The following RFC5 variants were observed in gnomAD, a reference collection of about 807,000 sequenced individuals.
The protein encoded by RFC5 is replication factor C subunit 5, also known as A1 36 kDa subunit.
RFC5 carries 26 observed loss-of-function variants against 44.3 expected under a neutral mutation model. That is an observed-to-expected ratio of 0.59 (90% CI 0.43 to 0.81). The LOEUF is 0.81. RFC5 is among the 40% of genes least tolerant of loss of function. The pLI is 0.00. For missense variants in RFC5, 328 were observed against 418.6 expected, an observed-to-expected ratio of 0.78 and a Z score of 1.89; for synonymous variants, 155 against 155.2, an observed-to-expected ratio of 1.00 and a Z score of 0.01.
chr12:118,038,188 G>A, the RFC5 span: 2 of 1,134,598 alleles, frequency 1.8e-6, no homozygotes, highest in South Asian at 1.7e-5. Flanking sequence ...CTTCTATTGG[G>A]GTGGATTTGC....
chr12:118,034,973 A>G (rs2031473033), downstream of RFC5: 1 of 1,613,458 alleles, frequency 6.2e-7, no homozygotes, highest in African/African-American at 1.3e-5. Flanking sequence ...CTGTTCAGCT[A>G]ACAAATACAT....
intron 10 of RFC5, 94 bp from the exon 11 acceptor site, chr12:118,031,085 CCTT>C (rs2031289188): frequency 5.1e-6 from 4 of 783,182 alleles, no homozygotes; most frequent in Middle Eastern, 2.4e-4. Flanking sequence ...CATCCCCACT[CCTT>C]CAACAGATTT....
chr12:118,041,130 C>A, the RFC5 span, among the ~76,000 whole-genome samples: 2 of 152,178 alleles, frequency 1.3e-5, no homozygotes, highest in Non-Finnish European at 2.9e-5. Context: ...ATGTGCACTG[C>A]CTTAGTTTGT....
rs5745815 is a variant in RFC5, at chr12:118,019,907, T to A, written c.267+139T>A. On this transcript the variant is annotated intron_variant, in intron 3 of 10. Transcript: ENST00000454402. This position sits in a 1 kb window ranked among gnomAD's most constrained non-coding sequence, Gnocchi z 4.2. Reference sequence around the variant, plus strand: ...AAGAAGTAAATTTGAATATTTTAATTCCCTTTTTCCTATAATGGTCATTTT... The same window carrying A: ...AAGAAGTAAATTTGAATATTTTAATACCCTTTTTCCTATAATGGTCATTTT... 3 of 708,912 alleles carry A rather than the reference T, an allele frequency of 4.2e-6. No homozygotes were observed. In the Admixed American group the frequency reaches 8.7e-5, roughly 21 times the overall value. The allele number at this position is 708,912 out of a possible 1,614,324, so 43.9% of individuals were successfully genotyped here.
In RFC5 at chr12:118,031,428, A is replaced by C. The variant is rs1053807096; in HGVS notation, c.*150A>C. On this transcript the variant is annotated 3_prime_UTR_variant, in exon 11 of 11. Transcript: ENST00000454402. ...CCCTTCCAGGAGAGGATGGGCAGGC[A>C]TTTAAAAAGTACCATTTTTGTGGTT... is the stretch of plus-strand genomic sequence containing the variant. 16 of 510,542 alleles carry C rather than the reference A, an allele frequency of 3.1e-5. No homozygotes were observed. The highest frequency in any genetic ancestry group is 3.1e-4 in the African/African-American group (16 of 51,676). 31.6% of individuals were successfully genotyped at this position (510,542 alleles called of 1,614,324 possible). A position where few individuals can be genotyped will look rare whatever the true frequency, so the allele number is the denominator to read the frequency against.
At chr12:118,028,133 T>G (rs2031076691) in intron 9 of RFC5, 103 bp downstream of exon 9, 2 of 739,964 alleles carry the variant, frequency 2.7e-6, no homozygotes, top group Non-Finnish European at 4.8e-6. Flanking sequence ...GCAAAGAAAC[T>G]AATGAATTGT....
chr12:118,038,215 A>G, the RFC5 span: 6 of 1,421,336 alleles, frequency 4.2e-6, no homozygotes, highest in African/African-American at 4.3e-5. Context: ...TTTTGAGAAC[A>G]CTCACACACA....
chr12:118,027,178 C>A, intron 8 of RFC5, 160 bp downstream of exon 8: 1 of 688,412 alleles, frequency 1.5e-6, no homozygotes, highest in Non-Finnish European at 2.5e-6. Context: ...GGAGTGGGTA[C>A]TTGTCTTTAG....
chr12:118,023,112 T>C (rs777198612), intron 5 of RFC5, among the ~76,000 whole-genome samples: 2 of 151,904 alleles, frequency 1.3e-5, no homozygotes, highest in Non-Finnish European at 2.9e-5. Context: ...TTTCTACTAA[T>C]GGTACCCTTT....
chr12:118,035,404 C>A, downstream of RFC5: 1 of 1,284,962 alleles, frequency 7.8e-7, no homozygotes, highest in Non-Finnish European at 1.1e-6. Context: ...GGCAGGAAGC[C>A]AAACTGCCCT....
At chr12:118,021,045 A>AAAAAATTAACCCAT in intron 4 of RFC5, 60 bp downstream of exon 4, 4 of 1,050,254 alleles carry the variant, frequency 3.8e-6, no homozygotes, top group Non-Finnish European at 4.4e-6. Flanking sequence ...GATATGGGTT[A>AAAAAATTAACCCAT]ATTTTTTAAT....
intron 3 of RFC5, among the ~76,000 whole-genome samples, chr12:118,020,399 G>A (rs1178014476): frequency 6.6e-6 from 1 of 152,208 alleles, no homozygotes; most frequent in Non-Finnish European, 1.5e-5. Context: ...AAAAGATCTT[G>A]TTTAATTCTC....
chr12:118,038,858 T>G, the RFC5 span, among the ~76,000 whole-genome samples: 1 of 152,108 alleles, frequency 6.6e-6, no homozygotes, highest in Non-Finnish European at 1.5e-5. Flanking sequence ...TTTTTGTACT[T>G]TTAGTAGAGA....
In RFC5 at chr12:118,026,951, G is replaced by A. The variant is rs758722522; in HGVS notation, c.726G>A (p.Pro242=). The stretch of plus-strand genomic sequence containing the variant: ...CTGTCTACACCTGCACCGGGCACCC[G>A]CTCAAGTCAGACATTGCCAACATCC... ...EETVYTCTGH[P]LKSDIANILD... is the part of the protein sequence containing the mutation. The change falls in exon 8 of 11, where the codon CCG becomes CCA. Residue 242 remains proline, a synonymous_variant. Transcript: ENST00000454402. The A allele has an allele frequency of 1.9e-5, 30 of 1,613,788 alleles. No individual in the cohort carries two copies. Among genetic ancestry groups the A allele is most frequent in the South Asian group, 3.3e-5 (3 of 91,078 alleles).
intron 10 of RFC5, among the ~76,000 whole-genome samples, chr12:118,030,475 G>C (rs183009009): frequency 6.6e-6 from 1 of 151,204 alleles, no homozygotes; most frequent in Non-Finnish European, 1.5e-5. Flanking sequence ...ACCCACCAAT[G>C]TATCAGCCAA....
chr12:118,038,028 A>T, downstream of RFC5: 3 of 344,250 alleles, frequency 8.7e-6, 1 homozygote, highest in East Asian at 1.4e-4. Flanking sequence ...AAAGAAATTT[A>T]AAAAGCAATT....
intron 10 of RFC5, 53 bp downstream of exon 10, chr12:118,029,878 GTGAGTTA>G: frequency 1.5e-6 from 2 of 1,310,710 alleles, no homozygotes; most frequent in South Asian, 2.4e-5. Context: ...TTCCCCTGTT[GTGAGTTA>G]TTTGTTTCAA....
chr12:118,022,234 A>C, intron 4 of RFC5, 52 bp from the exon 5 acceptor site: 1 of 1,379,108 alleles, frequency 7.3e-7, no homozygotes, highest in Non-Finnish European at 1.0e-6. Flanking sequence ...TTGAGCCCAG[A>C]TGTTGAGATG....
intron 1 of RFC5, among the ~76,000 whole-genome samples, chr12:118,017,520 T>C (rs893028849): frequency 2.6e-5 from 4 of 152,180 alleles, no homozygotes; most frequent in African/African-American, 2.4e-5. Flanking sequence ...CTTAAACAGC[T>C]ATGTTCTCGC....
Sources: allele counts gnomAD v4.1 joint callset (sites outside exome capture counted in the v4.1 genomes callset), GRCh38; gene constraint gnomAD v4.1.1; non-coding constraint Gnocchi (gnomAD v3.1); transcripts MANE v1.5; gene names NCBI Gene and HGNC (gene_info 2026-07-23, HGNC 2026-07-21).